Variants in COL4A4 observed in about 807,000 individuals in gnomAD.
COL4A4 encodes the protein collagen alpha-4(IV) chain.
A neutral mutation model predicts 192.9 loss-of-function variants in COL4A4; 105 were observed. The observed-to-expected ratio is 0.54, with a 90% CI of 0.46 to 0.64. The LOEUF (loss-of-function observed/expected upper bound fraction) is 0.64. Ranked by LOEUF, COL4A4 falls within the 30% of genes least tolerant of loss-of-function variation. The pLI, the probability that COL4A4 is intolerant of heterozygous loss-of-function variation, is 0.00. For missense variants in COL4A4, 1,967 were observed against 2,169.3 expected, an observed-to-expected ratio of 0.91 and a Z score of 1.85; for synonymous variants, 762 against 769.9, an observed-to-expected ratio of 0.99 and a Z score of 0.17.
chr2:227,062,699 A>G (rs1322645883), intron 25 of COL4A4, 101 bp from the exon 26 acceptor site: 4 of 828,204 alleles, frequency 4.8e-6, no homozygotes, highest in African/African-American at 1.7e-5. Flanking sequence ...TCTGTATAGT[A>G]TATGCAGAAG....
intron 25 of COL4A4, among the ~76,000 whole-genome samples, chr2:227,069,018 G>A (rs1247430765): frequency 6.8e-6 from 1 of 146,528 alleles, no homozygotes; most frequent in African/African-American, 2.5e-5. Context: ...CTTCAGCAAA[G>A]TCTCAGGATA....
At chr2:227,062,014 C>T (rs529532004) in intron 26 of COL4A4, among the ~76,000 whole-genome samples, 9 of 152,066 alleles carry the variant, frequency 5.9e-5, no homozygotes, top group African/African-American at 1.7e-4. Context: ...CCGAGGTGGG[C>T]GGATCACAAG....
At chr2:227,136,194 T>C (rs374115117) in intron 4 of COL4A4, among the ~76,000 whole-genome samples, 2 of 152,088 alleles carry the variant, frequency 1.3e-5, no homozygotes, top group African/African-American at 4.8e-5. Flanking sequence ...CACTCTCAAA[T>C]CCAGCCAGAG....
intron 1 of COL4A4, among the ~76,000 whole-genome samples, chr2:227,153,698 C>T (rs1361090080): frequency 1.3e-5 from 2 of 151,790 alleles, no homozygotes; most frequent in Non-Finnish European, 2.9e-5. Flanking sequence ...CAGGAGATAC[C>T]CTGACCGTAG....
intron 4 of COL4A4, among the ~76,000 whole-genome samples, chr2:227,130,223 G>GT (rs2062360219): frequency 6.6e-6 from 1 of 152,234 alleles, no homozygotes; most frequent in Non-Finnish European, 1.5e-5. Context: ...TTAGCCTGGA[G>GT]TAACACTCAT....
intron 44 of COL4A4, among the ~76,000 whole-genome samples, chr2:227,014,529 A>G (rs1964471556): frequency 6.6e-6 from 1 of 152,220 alleles, no homozygotes; most frequent in Non-Finnish European, 1.5e-5. Context: ...AATAGCAAAC[A>G]CAAGTACTGT....
chr2:226,977,036 T>C, the COL4A4 span, among the ~76,000 whole-genome samples: 1 of 152,184 alleles, frequency 6.6e-6, no homozygotes, highest in East Asian at 1.9e-4. Context: ...GGGATAAGGC[T>C]GGCCTCACAA....
At chr2:227,100,496 T>C (rs2060449117) in intron 17 of COL4A4, among the ~76,000 whole-genome samples, 4 of 152,168 alleles carry the variant, frequency 2.6e-5, no homozygotes, top group Admixed American at 2.6e-4. Flanking sequence ...TGACAACTGT[T>C]TACATAGCAT....
chr2:227,103,358 A>G (rs940335308), intron 13 of COL4A4, among the ~76,000 whole-genome samples, 161 bp from the exon 14 acceptor site: 2 of 152,204 alleles, frequency 1.3e-5, no homozygotes, highest in Non-Finnish European at 2.9e-5. Context: ...CTTATAAACC[A>G]GATACTATTT....
chr2:227,087,604 A>G (rs192997938), intron 22 of COL4A4, among the ~76,000 whole-genome samples: 376 of 152,192 alleles, frequency 2.5e-3, no homozygotes, highest in African/African-American at 8.7e-3. Flanking sequence ...CTTGCACCAC[A>G]CCCAGCACCA....
At chr2:227,109,364 A>C (rs1302692081) in intron 9 of COL4A4, 78 bp from the exon 10 acceptor site, 2 of 1,188,168 alleles carry the variant, frequency 1.7e-6, no homozygotes, top group Admixed American at 3.4e-5. Flanking sequence ...GTGTGATCCC[A>C]TGTGGATAAA....
chr2:227,045,858 A>G (rs10205977), intron 35 of COL4A4, among the ~76,000 whole-genome samples: 3 of 76,870 alleles, frequency 3.9e-5, no homozygotes, highest in African/African-American at 1.7e-4. Context: ...ACACATATAT[A>G]TATACACATA....
At chr2:227,109,410 C>A (rs1559646799) in intron 9 of COL4A4, 124 bp from the exon 10 acceptor site, 2 of 814,480 alleles carry the variant, frequency 2.5e-6, no homozygotes, top group Non-Finnish European at 4.3e-6. Context: ...AGCACATCTG[C>A]CCTGCTAGGA....
rs551864079 is a variant in COL4A4 at position 227,102,164 on chromosome 2, G to A, written c.931-255C>T. ...TAATTAAGAATGTATTTTTGTTGTC[G>A]TTGCTTTTCCAAATTTAATTTACTT... is the stretch of plus-strand genomic sequence containing the variant. On this transcript the variant is annotated intron_variant, in intron 15 of 47. Coordinates refer to ENST00000396625, the MANE Select transcript of COL4A4 (RefSeq NM_000092.5). Among the ~76,000 whole-genome samples, 11 of 152,232 alleles carry A rather than the reference G, an allele frequency of 7.2e-5. No individual in the cohort carries two copies. In the South Asian group the frequency reaches 8.3e-4, roughly 12 times the overall value.
Position 227,138,133 on chromosome 2 carries a change from A to AAATAATAATAATAATAATAATAAT in COL4A4, c.192+2004_192+2027dup, listed in dbSNP as rs35550127. On this transcript the variant is annotated intron_variant, in intron 4 of 47. Transcript: ENST00000396625. ...AAACACAGCAAGACTCCACCTCTAC[A>AAATAATAATAATAATAATAATAAT]AATAATAATAATAATAATAATAATC... 1.5e-3 allele frequency among the ~76,000 whole-genome samples: 217 copies of AAATAATAATAATAATAATAATAAT among 147,178 alleles called. 1 individual carries two copies. The highest frequency in any genetic ancestry group is 5.0e-3 in the African/African-American group (199 of 39,518).
At chr2:227,025,428 G>A (rs1475334658) in intron 43 of COL4A4, among the ~76,000 whole-genome samples, 1 of 152,140 alleles carries the variant, frequency 6.6e-6, no homozygotes, top group African/African-American at 2.4e-5. Context: ...TTTTAATGTT[G>A]TATATACCAT....
At chr2:227,086,354 C>A (rs188024054) in intron 22 of COL4A4, among the ~76,000 whole-genome samples, 119 of 152,234 alleles carry the variant, frequency 7.8e-4, no homozygotes, top group African/African-American at 2.8e-3. Flanking sequence ...CACCGTCTTT[C>A]ATGCTCTTCT....
At chr2:227,061,746 G>A (rs1313588266) in intron 26 of COL4A4, among the ~76,000 whole-genome samples, 1 of 152,114 alleles carries the variant, frequency 6.6e-6, no homozygotes, top group Non-Finnish European at 1.5e-5. Context: ...GATAGATTTT[G>A]GATTTAATTC....
rs977909207 is a variant in COL4A4, at chr2:227,061,180, CT to C, written c.2057-938del. 5.9e-5 allele frequency among the ~76,000 whole-genome samples: 9 copies of C among 152,144 alleles called. No individual in the cohort carries two copies. In the South Asian group the frequency reaches 8.3e-4, roughly 14 times the overall value. On this transcript the variant is annotated intron_variant, in intron 26 of 47. Coordinates refer to ENST00000396625, the MANE Select transcript of COL4A4 (RefSeq NM_000092.5). ...GTTACAGCTGCTGAAAGAAATCAAA[CT>C]TTTTTTTATCCACCCATGACCAGTA...
Sources: allele counts gnomAD v4.1 joint callset (sites outside exome capture counted in the v4.1 genomes callset), GRCh38; gene constraint gnomAD v4.1.1; transcripts MANE v1.5; gene names NCBI Gene and HGNC (gene_info 2026-07-23, HGNC 2026-07-21).